Variants in SLC16A7 observed in about 807,000 individuals in gnomAD.
SLC16A7 encodes monocarboxylate transporter 2.
Under a neutral mutation model 34.9 loss-of-function variants are expected in SLC16A7, and 33 were observed. The ratio of observed to expected loss-of-function variants is 0.94; its 90% confidence interval spans 0.72 to 1.26. The LOEUF (loss-of-function observed/expected upper bound fraction) is 1.26. Ranked by LOEUF, SLC16A7 falls within the 50% of genes most tolerant of loss-of-function variation. The probability of loss-of-function intolerance (pLI) is 0.00; values close to 1 mark genes in which losing one functional copy is unlikely to be tolerated. For missense variants in SLC16A7, 573 were observed against 578.1 expected, an observed-to-expected ratio of 0.99 and a Z score of 0.09; for synonymous variants, 201 against 206.6, an observed-to-expected ratio of 0.97 and a Z score of 0.23.
At chr12:59,687,016 A>T (rs1314075002) in intron 2 of SLC16A7, among the ~76,000 whole-genome samples, 1 of 152,032 alleles carries the variant, frequency 6.6e-6, no homozygotes, top group East Asian at 1.9e-4. Flanking sequence ...GAATGTATAC[A>T]TATAGCAAAA....
Position 59,785,004 on chromosome 12 carries a change from A to G in SLC16A7, c.*5325A>G, listed in dbSNP as rs372846554. The G allele has an allele frequency of 3.9e-5, 6 of 152,302 alleles. No individual in the cohort carries two copies. The East Asian group carries it at 1.2e-3, about 29-fold the overall frequency. The allele number at this position is 152,302 out of a possible 1,614,324, so 9.4% of individuals were successfully genotyped here. A position where few individuals can be genotyped will look rare whatever the true frequency, so the allele number is the denominator to read the frequency against. On this transcript the variant is annotated 3_prime_UTR_variant, in exon 6 of 6. Coordinates refer to ENST00000547379, the MANE Select transcript of SLC16A7 (RefSeq NM_001270623.2). ...AGAGCACTAATTAGCATCTATATTG[A>G]GAATATAAGATTAATATTACAAACT...
intron 3 of SLC16A7, among the ~76,000 whole-genome samples, chr12:59,726,638 A>C (rs1164170638): frequency 2.6e-5 from 4 of 152,142 alleles, no homozygotes; most frequent in Non-Finnish European, 1.5e-5. Context: ...AATAACATTA[A>C]AAATTAAAAG....
chr12:59,671,325 C>A (rs779035358), intron 2 of SLC16A7, among the ~76,000 whole-genome samples: 1 of 152,080 alleles, frequency 6.6e-6, no homozygotes, highest in Non-Finnish European at 1.5e-5. Flanking sequence ...ATTTTAATTT[C>A]TGTGAATTCC....
intron 2 of SLC16A7, among the ~76,000 whole-genome samples, chr12:59,683,974 C>A (rs1217216158): frequency 1.3e-5 from 2 of 152,128 alleles, no homozygotes; most frequent in Non-Finnish European, 2.9e-5. Flanking sequence ...GATTAGAAAG[C>A]TATAGCTCAT....
At chr12:59,669,652 T>TCTCACACACACACACACACACA (rs1869505540) in intron 2 of SLC16A7, among the ~76,000 whole-genome samples, 6 of 139,536 alleles carry the variant, frequency 4.3e-5, no homozygotes, top group African/African-American at 1.6e-4. Flanking sequence ...CCATAGATAG[T>TCTCACACACACACACACACACA]CACACACACA....
chr12:59,620,254 A>G (rs1879641519), intron 1 of SLC16A7, among the ~76,000 whole-genome samples: 1 of 151,918 alleles, frequency 6.6e-6, no homozygotes, highest in African/African-American at 2.4e-5. Flanking sequence ...TGCCATAGTG[A>G]AGAACTCTGA....
At chr12:59,767,139 G>C (rs745354798) in intron 3 of SLC16A7, among the ~76,000 whole-genome samples, 3 of 150,956 alleles carry the variant, frequency 2.0e-5, no homozygotes, top group East Asian at 3.9e-4. Flanking sequence ...TTCCTTAAAC[G>C]TCATGAATCA....
chr12:59,696,764 G>T (rs1343326050), intron 2 of SLC16A7, among the ~76,000 whole-genome samples: 1 of 151,708 alleles, frequency 6.6e-6, no homozygotes. Flanking sequence ...ATTGGTTCTG[G>T]GTCTCTTTTC....
chr12:59,680,625 A>T (rs1249554491), intron 2 of SLC16A7, among the ~76,000 whole-genome samples: 1 of 152,124 alleles, frequency 6.6e-6, no homozygotes, highest in African/African-American at 2.4e-5. Context: ...TTTATATAGA[A>T]TGCAATCTAT....
At chr12:59,622,077 A>G (rs1263191302) in intron 1 of SLC16A7, among the ~76,000 whole-genome samples, 1 of 151,854 alleles carries the variant, frequency 6.6e-6, no homozygotes, top group Admixed American at 6.6e-5. Context: ...TGGGCCTCCC[A>G]AGTATTCTGC....
intron 3 of SLC16A7, among the ~76,000 whole-genome samples, chr12:59,716,290 G>A (rs1203345154): frequency 6.6e-6 from 1 of 152,110 alleles, no homozygotes; most frequent in East Asian, 1.9e-4. Flanking sequence ...CAGCACCCCA[G>A]GAAATGAGTG....
intron 2 of SLC16A7, among the ~76,000 whole-genome samples, chr12:59,678,287 T>C (rs1870470519): frequency 6.6e-6 from 1 of 152,134 alleles, no homozygotes; most frequent in Non-Finnish European, 1.5e-5. Context: ...GGGTCTGAGT[T>C]TTTGTCCTGT....
intron 1 of SLC16A7, among the ~76,000 whole-genome samples, chr12:59,618,546 T>G (rs1879558963): frequency 6.6e-6 from 1 of 151,952 alleles, no homozygotes; most frequent in Admixed American, 6.6e-5. Flanking sequence ...CTTCCACAGT[T>G]TTTGCACTCA....
intron 2 of SLC16A7, among the ~76,000 whole-genome samples, chr12:59,663,586 T>C (rs147231333): frequency 0.013 from 2,021 of 152,110 alleles, 40 homozygotes; most frequent in African/African-American, 0.045. Context: ...ATTTGAAGAG[T>C]TCTCAGTAAA....
rs557572460 is a variant in SLC16A7, at chr12:59,642,907, T to C, written c.-129-12245T>C. ...ACTTGTTGAAAAACCTTATAATAATTGGGAATACAGGCACAAAGGATGTTG... is the reference window on the plus strand; with the variant it reads ...ACTTGTTGAAAAACCTTATAATAATCGGGAATACAGGCACAAAGGATGTTG... On this transcript the variant is annotated intron_variant, in intron 1 of 5. Coordinates refer to ENST00000547379, the MANE Select transcript of SLC16A7 (RefSeq NM_001270623.2). 8.5e-5 allele frequency among the ~76,000 whole-genome samples: 13 copies of C among 152,168 alleles called. No homozygotes were observed. In the East Asian group the frequency reaches 2.5e-3, roughly 29 times the overall value.
chr12:59,697,181 G>A (rs1330358350), intron 2 of SLC16A7, among the ~76,000 whole-genome samples: 1 of 151,850 alleles, frequency 6.6e-6, no homozygotes, highest in Non-Finnish European at 1.5e-5. Flanking sequence ...AATTTAATAG[G>A]GAATATAAAT....
chr12:59,598,510 G>A (rs545097566), intron 1 of SLC16A7, among the ~76,000 whole-genome samples: 9 of 151,912 alleles, frequency 5.9e-5, no homozygotes, highest in Non-Finnish European at 5.9e-5. Flanking sequence ...TCCTCTTGAT[G>A]GAAGAAACAT....
intron 1 of SLC16A7, among the ~76,000 whole-genome samples, chr12:59,640,305 T>A (rs1287725759): frequency 6.6e-6 from 1 of 152,162 alleles, no homozygotes; most frequent in Non-Finnish European, 1.5e-5. Context: ...TACTCTAATG[T>A]TTTTAATATT....
intron 3 of SLC16A7, among the ~76,000 whole-genome samples, chr12:59,719,065 G>A (rs929198355): frequency 2.6e-5 from 4 of 152,112 alleles, no homozygotes; most frequent in Non-Finnish European, 5.9e-5. Flanking sequence ...AGGTCATTGT[G>A]CTTTCCCTTT....
Sources: gnomAD v4.1 joint callset for allele counts (sites outside exome capture counted in the v4.1 genomes callset) on GRCh38, gnomAD v4.1.1 for gene constraint, MANE v1.5 for transcripts, NCBI Gene and HGNC (gene_info 2026-07-23, HGNC 2026-07-21) for gene names.